Variants in STPG2 observed in about 807,000 individuals in gnomAD.
STPG2 encodes sperm tail PG-rich repeat containing 2.
A neutral mutation model predicts 54.2 loss-of-function variants in STPG2; 56 were observed. The observed-to-expected ratio is 1.03, with a 90% CI of 0.83 to 1.29. STPG2 has a LOEUF of 1.29. Among genes scored for constraint, STPG2 ranks in the 50% most tolerant of loss-of-function variants. STPG2 has a pLI of 0.00. For synonymous variants in STPG2, 200 were observed against 181.8 expected, an observed-to-expected ratio of 1.10 and a Z score of -0.81; for missense variants, 596 against 544.9, an observed-to-expected ratio of 1.09 and a Z score of -0.93.
chr4:98,109,215 G>T lies in STPG2; in HGVS notation c.478C>A (p.Pro160Thr). 1.2e-6 allele frequency: 2 copies of T among 1,609,616 alleles called. No individual in the cohort carries two copies. Among genetic ancestry groups the T allele is most frequent in the Middle Eastern group, 3.5e-4 (2 of 5,714 alleles). The change falls in exon 4 of 11, where the codon CCA becomes ACA. Residue 160 changes from proline (P) to threonine (T), a missense_variant. Pro to Thr is a conservative substitution (Grantham distance 38). Coordinates refer to ENST00000295268, the MANE Select transcript of STPG2 (RefSeq NM_174952.3). The part of the protein sequence containing the change: ...QELPKKSGPG[P>T]GQYDIVQKKT... The stretch of plus-strand genomic sequence containing the variant: ...TACTGGACTATATCATACTGTCCTG[G>T]ACCAGGACCTGACTTTTTAGGTAAC...
intron 4 of STPG2, among the ~76,000 whole-genome samples, chr4:98,108,081 C>G (rs34437628): frequency 0.4 from 60,084 of 151,842 alleles, 12,131 homozygotes; most frequent in Middle Eastern, 0.46. Context: ...CAAAAACAAA[C>G]GCCATGTTTT....
chr4:98,092,645 A>T (rs546581187), intron 5 of STPG2, among the ~76,000 whole-genome samples: 8 of 152,062 alleles, frequency 5.3e-5, no homozygotes, highest in Non-Finnish European at 1.2e-4. Flanking sequence ...AATTTTACTT[A>T]TTTGAAACTA....
At chr4:98,139,987 G>A (rs1740235803) in intron 1 of STPG2, among the ~76,000 whole-genome samples, 1 of 152,172 alleles carries the variant, frequency 6.6e-6, no homozygotes, top group African/African-American at 2.4e-5. Flanking sequence ...ATTTTAGTGG[G>A]TCTGCCAGAT....
At chr4:97,593,218 C>T (rs981615383) in intron 10 of STPG2, among the ~76,000 whole-genome samples, 3 of 152,060 alleles carry the variant, frequency 2.0e-5, no homozygotes, top group Non-Finnish European at 4.4e-5. Flanking sequence ...CAGAGCAGCC[C>T]CTGCCGACAG....
chr4:97,594,379 C>G (rs1186046291), intron 10 of STPG2, among the ~76,000 whole-genome samples: 2 of 152,156 alleles, frequency 1.3e-5, no homozygotes, highest in Non-Finnish European at 2.9e-5. Flanking sequence ...ACAGCAGAAT[C>G]AGCAAAGCTG....
At chr4:97,724,487 G>T (rs566474005) in intron 9 of STPG2, among the ~76,000 whole-genome samples, 1 of 152,116 alleles carries the variant, frequency 6.6e-6, no homozygotes, top group East Asian at 1.9e-4. Context: ...ACGGTGAGTT[G>T]TACATTATTT....
intron 4 of STPG2, among the ~76,000 whole-genome samples, chr4:97,473,146 T>A (rs947274560): frequency 6.6e-6 from 1 of 152,070 alleles, no homozygotes; most frequent in East Asian, 1.9e-4. Flanking sequence ...TTGTAGAGCA[T>A]GTGTGTTTGA....
chr4:97,887,305 T>C (rs1200887497), intron 8 of STPG2, among the ~76,000 whole-genome samples: 3 of 152,162 alleles, frequency 2.0e-5, no homozygotes, highest in African/African-American at 7.2e-5. Flanking sequence ...ACTGGTTCAA[T>C]GGTTATGACC....
chr4:97,811,177 A>G (rs914149222), intron 9 of STPG2, among the ~76,000 whole-genome samples: 4 of 152,108 alleles, frequency 2.6e-5, no homozygotes, highest in Non-Finnish European at 5.9e-5. Context: ...AGGCTTAACA[A>G]TTTAGGCGGT....
rs559788179 is a variant in STPG2, at chr4:97,896,791, C to CA, written c.1044+47105dup. On this transcript the variant is annotated intron_variant, in intron 8 of 10. Coordinates refer to ENST00000295268, the MANE Select transcript of STPG2 (RefSeq NM_174952.3). Reference sequence around the variant, plus strand: ...ATATAGTCTTATTAAAGAAAAACTACAAAAAAAGATATTTTCACAGTATTA... The same window carrying CA: ...ATATAGTCTTATTAAAGAAAAACTACAAAAAAAAGATATTTTCACAGTATTA... 4.8e-3 allele frequency among the ~76,000 whole-genome samples: 734 copies of CA among 151,562 alleles called. 7 individuals carry two copies. The highest frequency in any genetic ancestry group is 5.8e-3 in the Non-Finnish European group (395 of 67,648).
chr4:97,791,700 C>T (rs963466003), intron 9 of STPG2, among the ~76,000 whole-genome samples: 1 of 151,740 alleles, frequency 6.6e-6, no homozygotes, highest in African/African-American at 2.4e-5. Context: ...ATATATAGAA[C>T]TGTTTTGAAG....
At chr4:97,538,663 C>T (rs1039322570) in intron 4 of STPG2, among the ~76,000 whole-genome samples, 1 of 152,022 alleles carries the variant, frequency 6.6e-6, no homozygotes, top group African/African-American at 2.4e-5. Context: ...CAAGGCAGGC[C>T]AAAATTCAAA....
Position 98,109,179 on chromosome 4 carries a change from AT to A in STPG2, c.500+13del. 3 of 1,466,508 alleles carry A rather than the reference AT, an allele frequency of 2.0e-6. No homozygotes were observed. The highest frequency in any genetic ancestry group is 1.3e-5 in the South Asian group (1 of 75,776). The allele number at this position is 1,466,508 out of a possible 1,614,324, so 90.8% of individuals were successfully genotyped here. On this transcript the variant is annotated intron_variant, in intron 4 of 10. Transcript: ENST00000295268. ...AAGAGCTACATTAAAGGTATACTATATTTTTTTACTTACTGGACTATATCAT... is the reference window on the plus strand; with the variant it reads ...AAGAGCTACATTAAAGGTATACTATATTTTTTACTTACTGGACTATATCAT...
At chr4:97,986,908 G>A (rs1734847905) in intron 5 of STPG2, among the ~76,000 whole-genome samples, 1 of 152,166 alleles carries the variant, frequency 6.6e-6, no homozygotes, top group Admixed American at 6.5e-5. Context: ...AAGAAAAGCA[G>A]GAGATGCATC....
intron 4 of STPG2, among the ~76,000 whole-genome samples, chr4:97,529,132 C>T (rs1331147859): frequency 6.6e-6 from 1 of 152,110 alleles, no homozygotes; most frequent in Non-Finnish European, 1.5e-5. Flanking sequence ...TCATAAATAG[C>T]TCTTATTATT....
At chr4:98,086,541 T>C (rs1738519740) in intron 5 of STPG2, among the ~76,000 whole-genome samples, 1 of 151,900 alleles carries the variant, frequency 6.6e-6, no homozygotes, top group African/African-American at 2.4e-5. Context: ...TCATTAAATA[T>C]AGGTCTCCAT....
chr4:97,984,389 C>A (rs1734768217), intron 5 of STPG2, among the ~76,000 whole-genome samples: 1 of 152,114 alleles, frequency 6.6e-6, no homozygotes, highest in South Asian at 2.1e-4. Flanking sequence ...AAGTAACCCA[C>A]CCGCCTCAGC....
chr4:98,098,998 A>G (rs1738942308), intron 5 of STPG2, among the ~76,000 whole-genome samples: 1 of 152,162 alleles, frequency 6.6e-6, no homozygotes, highest in Admixed American at 6.5e-5. Context: ...AAACCCTTGT[A>G]CACTGATGGT....
At chr4:97,496,192 C>A (rs981981422) in intron 4 of STPG2, among the ~76,000 whole-genome samples, 2 of 151,578 alleles carry the variant, frequency 1.3e-5, no homozygotes, top group African/African-American at 2.4e-5. Flanking sequence ...TATGCCCCCC[C>A]AAAAGTATTT....
Sources: gnomAD v4.1 joint callset for allele counts (sites outside exome capture counted in the v4.1 genomes callset) on GRCh38, gnomAD v4.1.1 for gene constraint, MANE v1.5 for transcripts, NCBI Gene and HGNC (gene_info 2026-07-23, HGNC 2026-07-21) for gene names.